SORCS1: variants seen among roughly 807,000 people sequenced by gnomAD.
The protein encoded by SORCS1 is sortilin related VPS10 domain containing receptor 1, also known as VPS10 domain-containing receptor SorCS1.
In SORCS1, 60 loss-of-function variants were observed where a neutral mutation model predicts 146.1. The observed-to-expected ratio is 0.41, with a 90% CI of 0.33 to 0.51. The LOEUF (loss-of-function observed/expected upper bound fraction) is 0.51, where lower values mean the gene tolerates loss of function less well. Ranked by LOEUF, SORCS1 falls within the 20% of genes least tolerant of loss-of-function variation. The probability of loss-of-function intolerance (pLI) is 0.21; values close to 1 mark genes in which losing one functional copy is unlikely to be tolerated. For missense variants in SORCS1, 1,352 were observed against 1,487.6 expected, an observed-to-expected ratio of 0.91 and a Z score of 1.50; for synonymous variants, 637 against 584.0, an observed-to-expected ratio of 1.09 and a Z score of -1.31.
chr10:106,941,743 G>C (rs760136649), intron 2 of SORCS1, among the ~76,000 whole-genome samples: 1 of 152,080 alleles, frequency 6.6e-6, no homozygotes, highest in African/African-American at 2.4e-5. Flanking sequence ...TTTTGGAATG[G>C]GCTTCAGAGT....
Position 106,984,697 on chromosome 10 carries a change from A to G in SORCS1, c.559-28117T>C, listed in dbSNP as rs539715498. ...CATGAGCCACTGCACCTGGCCTACC[A>G]TTCTTAATTGTAAAAGTTACTATTA... On this transcript the variant is annotated intron_variant, in intron 1 of 25. Coordinates refer to ENST00000263054, the MANE Select transcript of SORCS1 (RefSeq NM_052918.5). Among the ~76,000 whole-genome samples, 6 of 151,956 alleles carry G rather than the reference A, an allele frequency of 3.9e-5. No individual in the cohort carries two copies. In the East Asian group the frequency reaches 1.2e-3, roughly 30 times the overall value.
At chr10:106,864,059 A>T (rs1282165447) in intron 2 of SORCS1, among the ~76,000 whole-genome samples, 3 of 152,240 alleles carry the variant, frequency 2.0e-5, no homozygotes, top group Non-Finnish European at 4.4e-5. Flanking sequence ...CACAGTATGT[A>T]GCCTGTGTGA....
At chr10:107,099,182 G>A (rs1964746227) in intron 1 of SORCS1, among the ~76,000 whole-genome samples, 1 of 152,210 alleles carries the variant, frequency 6.6e-6, no homozygotes, top group African/African-American at 2.4e-5. Flanking sequence ...GTCTTGATTG[G>A]CAGATAAAAG....
At chr10:106,801,977 G>A (rs1354876874) in intron 3 of SORCS1, among the ~76,000 whole-genome samples, 3 of 152,190 alleles carry the variant, frequency 2.0e-5, no homozygotes, top group African/African-American at 7.2e-5. Flanking sequence ...ATTATGCTAT[G>A]CGGCTCCATC....
At chr10:107,038,869 T>A (rs1463504645) in intron 1 of SORCS1, among the ~76,000 whole-genome samples, 1 of 152,134 alleles carries the variant, frequency 6.6e-6, no homozygotes, top group Non-Finnish European at 1.5e-5. Context: ...GGCATGATAA[T>A]CTTTCAATCC....
intron 1 of SORCS1, among the ~76,000 whole-genome samples, chr10:107,140,871 T>A (rs759303324): frequency 6.6e-6 from 1 of 152,158 alleles, no homozygotes; most frequent in Non-Finnish European, 1.5e-5. Context: ...GATGAAATGA[T>A]CTTGGAAAAA....
At chr10:107,123,982 G>C (rs1966551604) in intron 1 of SORCS1, among the ~76,000 whole-genome samples, 1 of 151,688 alleles carries the variant, frequency 6.6e-6, no homozygotes, top group Admixed American at 6.6e-5. Context: ...AGCTACTCGG[G>C]AGGCTGAGGC....
intron 2 of SORCS1, among the ~76,000 whole-genome samples, chr10:106,916,886 A>C (rs1027991689): frequency 2.6e-5 from 4 of 152,046 alleles, no homozygotes; most frequent in African/African-American, 9.7e-5. Flanking sequence ...AGTAGCTGGG[A>C]TTACAGGCAT....
intron 1 of SORCS1, among the ~76,000 whole-genome samples, chr10:107,009,614 C>T (rs1286062119): frequency 1.3e-5 from 2 of 152,142 alleles, no homozygotes; most frequent in African/African-American, 4.8e-5. Context: ...TTGTACTCAA[C>T]ATATAAAGCA....
intron 8 of SORCS1, among the ~76,000 whole-genome samples, chr10:106,703,980 G>T (rs1054685884): frequency 1.3e-5 from 2 of 152,178 alleles, no homozygotes; most frequent in Admixed American, 6.5e-5. Context: ...ATGCTCTTCT[G>T]GGAGAACAGG....
intron 17 of SORCS1, among the ~76,000 whole-genome samples, chr10:106,663,543 T>C (rs558179406): frequency 1.3e-5 from 2 of 152,344 alleles, no homozygotes; most frequent in African/African-American, 2.4e-5. Flanking sequence ...GCATTATTAG[T>C]GGCTACAAGA....
rs577814128 is a variant in SORCS1, at chr10:106,882,708, G to A, written c.627-53035C>T. ...ACACACAATCTATTTGTGTGGAGGC[G>A]GGGACAAAAACACAAAAACAAAACC... On this transcript the variant is annotated intron_variant, in intron 2 of 25. Transcript: ENST00000263054. Among the ~76,000 whole-genome samples, 20 of 152,074 alleles carry A rather than the reference G, an allele frequency of 1.3e-4. No homozygotes were observed. The South Asian group carries it at 2.7e-3, about 21-fold the overall frequency.
chr10:106,694,147 C>A (rs1033218583), intron 9 of SORCS1, among the ~76,000 whole-genome samples: 2 of 152,146 alleles, frequency 1.3e-5, no homozygotes, highest in African/African-American at 4.8e-5. Context: ...AACCCACTGG[C>A]CAAGAAAAAC....
rs1590084396 is a variant in SORCS1 at position 107,078,779 on chromosome 10, T to G, written c.558+85190A>C. ...TTTCCTAATTTAGCACTTAACAATATTAAGGCCACTTACTGTTTCACTGTG... is the reference window on the plus strand; with the variant it reads ...TTTCCTAATTTAGCACTTAACAATAGTAAGGCCACTTACTGTTTCACTGTG... On this transcript the variant is annotated intron_variant, in intron 1 of 25. Transcript: ENST00000263054. Among the ~76,000 whole-genome samples, 2 of 152,350 alleles carry G rather than the reference T, an allele frequency of 1.3e-5. 1 individual carries two copies. Among genetic ancestry groups the G allele is most frequent in the Middle Eastern group, 6.8e-3 (2 of 294 alleles).
chr10:106,781,243 C>T (rs968340645), intron 3 of SORCS1, among the ~76,000 whole-genome samples: 3 of 152,224 alleles, frequency 2.0e-5, no homozygotes, highest in East Asian at 3.9e-4. Context: ...GTTTATGTGG[C>T]GTGGAGTTAA....
intron 12 of SORCS1, 87 bp downstream of exon 12, chr10:106,679,169 G>A (rs1852250701): frequency 6.7e-6 from 6 of 891,952 alleles, no homozygotes; most frequent in Non-Finnish European, 7.2e-6. Flanking sequence ...GTGTAGCACC[G>A]CTGAAAAAAG....
chr10:106,929,765 G>A (rs1953293045), intron 2 of SORCS1, among the ~76,000 whole-genome samples: 1 of 123,126 alleles, frequency 8.1e-6, no homozygotes, highest in Non-Finnish European at 1.9e-5. Flanking sequence ...GCACAGGCAT[G>A]TGCACGTGCA....
intron 3 of SORCS1, among the ~76,000 whole-genome samples, chr10:106,795,870 G>A (rs1436607702): frequency 6.6e-6 from 1 of 152,156 alleles, no homozygotes; most frequent in African/African-American, 2.4e-5. Context: ...GTTCTAAGAC[G>A]CTGGGAGAAA....
chr10:106,944,874 C>CTTTTTTTTGTTTTTTTTTTT (rs1954242459), intron 2 of SORCS1, among the ~76,000 whole-genome samples: 1 of 36,576 alleles, frequency 2.7e-5, no homozygotes, highest in East Asian at 1.0e-3. Flanking sequence ...AAAGAGCCTT[C>CTTTTTTTTGTTTTTTTTTTT]TTTTTTTTTT....
Sources: gnomAD v4.1 joint callset for allele counts (sites outside exome capture counted in the v4.1 genomes callset) on GRCh38, gnomAD v4.1.1 for gene constraint, MANE v1.5 for transcripts, NCBI Gene and HGNC (gene_info 2026-07-23, HGNC 2026-07-21) for gene names.